The following SOX9 variants were observed in gnomAD, a reference collection of about 807,000 sequenced individuals.
The protein encoded by SOX9 is transcription factor SOX-9.
A neutral mutation model predicts 44.8 loss-of-function variants in SOX9; 2 were observed. The observed-to-expected ratio is 0.04, with a 90% CI of 0.02 to 0.14. The LOEUF (loss-of-function observed/expected upper bound fraction) is 0.14. SOX9 is among the 10% of genes least tolerant of loss of function. SOX9 has a pLI of 1.00. For synonymous variants in SOX9, 381 were observed against 331.8 expected, an observed-to-expected ratio of 1.15 and a Z score of -1.61; for missense variants, 583 against 728.6, an observed-to-expected ratio of 0.80 and a Z score of 2.30.
Position 72,123,909 on chromosome 17 carries a change from AGGCCCCGCC to A in SOX9, c.1061_1069del (p.Pro354_Pro356del), listed in dbSNP as rs761585795. On this transcript the variant is annotated inframe_deletion, in exon 3 of 3. Transcript: ENST00000245479. The surrounding 1 kb of genome is among the most constrained non-coding windows in gnomAD (Gnocchi z 6.5). Reference sequence around the variant, plus strand: ...CCGCCACCCCCGCAGCAGCCCCCACAGGCCCCGCCGGCCCCGCAGGCGCCCCCGCAGCCG... The same window carrying A: ...CCGCCACCCCCGCAGCAGCCCCCACAGGCCCCGCAGGCGCCCCCGCAGCCG... 72 of 1,301,174 alleles carry A rather than the reference AGGCCCCGCC, an allele frequency of 5.5e-5. No individual in the cohort carries two copies. The highest frequency in any genetic ancestry group is 5.5e-5 in the Non-Finnish European group (57 of 1,033,418). The allele number at this position is 1,301,174 out of a possible 1,614,324, so 80.6% of individuals were successfully genotyped here. A position where few individuals can be genotyped will look rare whatever the true frequency, so the allele number is the denominator to read the frequency against.
At position 72,121,558 on chromosome 17, in the gene SOX9, G is replaced by A. The variant is rs2143237848; in HGVS notation, c.167G>A (p.Gly56Asp). The A allele has an allele frequency of 6.2e-7, 1 of 1,609,534 alleles. No homozygotes were observed. The highest frequency in any genetic ancestry group is 1.3e-5 in the African/African-American group (1 of 74,938). ...CCCCAGGAGAACACGTTCCCCAAGG[G>A]CGAGCCCGATCTGAAGAAGGAGAGC... ...TRPQENTFPK[G>D]EPDLKKESEE... The change falls in exon 1 of 3, where the codon GGC becomes GAC. Residue 56 changes from glycine to aspartate, a missense_variant. Physicochemically the swap from Gly to Asp is moderately conservative, Grantham distance 94. Transcript: ENST00000245479. This position sits in a 1 kb window ranked among gnomAD's most constrained non-coding sequence, Gnocchi z 8.3.
Position 72,125,976 on chromosome 17 carries a change from C to G in SOX9, c.*1589C>G, listed in dbSNP as rs1263664394. ...TCATCCATATTTCTCTGCATCTTCT[C>G]TTGGAGTGAGGGAGGCTACCTGGAG... On this transcript the variant is annotated 3_prime_UTR_variant, in exon 3 of 3. Transcript: ENST00000245479. 1 of 232,380 alleles carries G rather than the reference C, an allele frequency of 4.3e-6. No individual in the cohort carries two copies. The highest frequency in any genetic ancestry group is 6.1e-5 in the East Asian group (1 of 16,428). 14.4% of individuals were successfully genotyped at this position (232,380 alleles called of 1,614,324 possible).
rs1425499534 is a variant in SOX9, at chr17:72,121,846, G to A, written c.431+24G>A. ...AGGTAGGACCCGGCGGGGGCGGCGC[G>A]GCAGGGTGGGCATCGCGGCGGCTGG... On this transcript the variant is annotated intron_variant, in intron 1 of 2. Transcript: ENST00000245479. The surrounding 1 kb of genome is among the most constrained non-coding windows in gnomAD (Gnocchi z 8.3). The A allele has an allele frequency of 1.3e-6, 2 of 1,528,390 alleles. No homozygotes were observed. Among genetic ancestry groups the A allele is most frequent in the Non-Finnish European group, 1.8e-6 (2 of 1,137,534 alleles). The allele number at this position is 1,528,390 out of a possible 1,614,324, so 94.7% of individuals were successfully genotyped here. A position where few individuals can be genotyped will look rare whatever the true frequency, so the allele number is the denominator to read the frequency against.
Position 72,123,435 on chromosome 17 carries a change from C to G in SOX9, c.686-108C>G. 6.7e-7 allele frequency: 1 copy of G among 1,494,074 alleles called. No homozygotes were observed. The allele number at this position is 1,494,074 out of a possible 1,614,324, so 92.6% of individuals were successfully genotyped here. A position where few individuals can be genotyped will look rare whatever the true frequency, so the allele number is the denominator to read the frequency against. On this transcript the variant is annotated intron_variant, in intron 2 of 2. Transcript: ENST00000245479. This position sits in a 1 kb window ranked among gnomAD's most constrained non-coding sequence, Gnocchi z 6.5. ...GCGCGCCTCTTGCGCGGGTGCGGGC[C>G]CTTATTACACTTTAGCAGCGAGGGA...
At position 72,123,301 on chromosome 17, in the gene SOX9, T is replaced by A. The variant is rs1908166863; in HGVS notation, c.686-242T>A. Among the ~76,000 whole-genome samples the A allele has an allele frequency of 6.6e-6, 1 of 152,100 alleles. No homozygotes were observed. The highest frequency in any genetic ancestry group is 2.4e-5 in the African/African-American group (1 of 41,432). On this transcript the variant is annotated intron_variant, in intron 2 of 2. Transcript: ENST00000245479. The surrounding 1 kb of genome is among the most constrained non-coding windows in gnomAD (Gnocchi z 6.5). ...AGCACACACAGGGCTCTTACACAAG[T>A]AGCAATTAGGTCTTCCGGACCCTCC...
chr17:72,123,755 C>T lies in SOX9; in HGVS notation c.898C>T (p.Pro300Ser), dbSNP rs2143252114. The stretch of plus-strand genomic sequence containing the variant: ...CAACGAGTTTGACCAGTACCTGCCG[C>T]CCAACGGCCACCCGGGGGTGCCGGC... ...DVNEFDQYLP[P>S]NGHPGVPATH... is the part of the protein sequence containing the mutation. The change falls in exon 3 of 3, where the codon CCC (proline) becomes TCC (serine). Residue 300 changes from proline (P) to serine (S), a missense_variant. Physicochemically the swap from Pro to Ser is moderately conservative, Grantham distance 74. Coordinates refer to ENST00000245479, the MANE Select transcript of SOX9 (RefSeq NM_000346.4). The surrounding 1 kb of genome is among the most constrained non-coding windows in gnomAD (Gnocchi z 6.5). 6.2e-7 allele frequency: 1 copy of T among 1,613,656 alleles called. No homozygotes were observed. The highest frequency in any genetic ancestry group is 8.5e-7 in the Non-Finnish European group (1 of 1,179,956).
chr17:72,123,978 C>T lies in SOX9; in HGVS notation c.1121C>T (p.Pro374Leu), dbSNP rs770013452. 3.3e-6 allele frequency: 5 copies of T among 1,523,594 alleles called. No individual in the cohort carries two copies. Among genetic ancestry groups the T allele is most frequent in the South Asian group, 1.3e-5 (1 of 77,472 alleles). The allele number at this position is 1,523,594 out of a possible 1,614,324, so 94.4% of individuals were successfully genotyped here. The change falls in exon 3 of 3, where the codon CCG (proline) becomes CTG (leucine). Residue 374 changes from proline to leucine, a missense_variant. Around this residue, in one of 7 missense-constraint regions of SOX9, gnomAD observed 349 missense variants for 387.0 expected, o/e 0.90. Coordinates refer to ENST00000245479, the MANE Select transcript of SOX9 (RefSeq NM_000346.4). The surrounding 1 kb of genome is among the most constrained non-coding windows in gnomAD (Gnocchi z 6.5). ...AAPPQQPAAPPQQPQAHTLTT... is the reference protein window; with the variant it reads ...AAPPQQPAAPLQQPQAHTLTT... ...CCCCCACAGCAGCCGGCGGCACCCC[C>T]GCAGCAGCCACAGGCGCACACGCTG...
chr17:72,122,124 C>A (rs1908115200), intron 1 of SOX9, among the ~76,000 whole-genome samples: 1 of 152,108 alleles, frequency 6.6e-6, no homozygotes, highest in Admixed American at 6.5e-5. Context: ...GCTCTCCAGT[C>A]GCCTGGAAGC....
Position 72,125,435 on chromosome 17 carries a change from T to C in SOX9, c.*1048T>C. On this transcript the variant is annotated 3_prime_UTR_variant, in exon 3 of 3. Coordinates refer to ENST00000245479, the MANE Select transcript of SOX9 (RefSeq NM_000346.4). ...GCCTGGGCCCCATGTGGAAGGCAGATGCCTGCTCGCTCTGTCACCTGTGCC... is the reference window on the plus strand; with the variant it reads ...GCCTGGGCCCCATGTGGAAGGCAGACGCCTGCTCGCTCTGTCACCTGTGCC... 4.4e-6 allele frequency: 1 copy of C among 229,682 alleles called. No homozygotes were observed. Among genetic ancestry groups the C allele is most frequent in the Non-Finnish European group, 8.6e-6 (1 of 115,804 alleles). The allele number at this position is 229,682 out of a possible 1,614,324, so 14.2% of individuals were successfully genotyped here.
Position 72,121,948 on chromosome 17 carries a change from G to A in SOX9, c.431+126G>A, listed in dbSNP as rs1908109586. On this transcript the variant is annotated intron_variant, in intron 1 of 2. Coordinates refer to ENST00000245479, the MANE Select transcript of SOX9 (RefSeq NM_000346.4). This position sits in a 1 kb window ranked among gnomAD's most constrained non-coding sequence, Gnocchi z 8.3. ...TTGCCGTTCCGGGAGCCGGCGGGAT[G>A]GGGTTGGGAGTGGGAATGGGGTGTA... 3 of 1,201,548 alleles carry A rather than the reference G, an allele frequency of 2.5e-6. No individual in the cohort carries two copies. 74.4% of individuals were successfully genotyped at this position (1,201,548 alleles called of 1,614,324 possible).
At position 72,123,916 on chromosome 17, in the gene SOX9, G is replaced by A. The variant is rs936943624; in HGVS notation, c.1059G>A (p.Pro353=). 150 of 1,296,564 alleles carry A rather than the reference G, an allele frequency of 1.2e-4. No individual in the cohort carries two copies. Among genetic ancestry groups the A allele is most frequent in the Non-Finnish European group, 9.5e-5 (98 of 1,030,976 alleles). 80.3% of individuals were successfully genotyped at this position (1,296,564 alleles called of 1,614,324 possible). ...PPPPQQPPQA[P]PAPQAPPQPQ... ...CCCCGCAGCAGCCCCCACAGGCCCC[G>A]CCGGCCCCGCAGGCGCCCCCGCAGC... is the stretch of plus-strand genomic sequence containing the variant. Residue 353 remains proline (P), a synonymous_variant, in exon 3 of 3, where the codon CCG becomes CCA. Coordinates refer to ENST00000245479, the MANE Select transcript of SOX9 (RefSeq NM_000346.4). The surrounding 1 kb of genome is among the most constrained non-coding windows in gnomAD (Gnocchi z 6.5).
chr17:72,122,774 G>A lies in SOX9; in HGVS notation c.487G>A (p.Val163Met), dbSNP rs1469442385. 1.2e-6 allele frequency: 2 copies of A among 1,614,084 alleles called. No individual in the cohort carries two copies. Among genetic ancestry groups the A allele is most frequent in the East Asian group, 2.2e-5 (1 of 44,856 alleles). Reference protein sequence around the residue: ...PFVEEAERLRVQHKKDHPDYK... With the variant: ...PFVEEAERLRMQHKKDHPDYK... ...CGTGGAGGAGGCGGAGCGGCTGCGC[G>A]TGCAGCACAAGAAGGACCACCCGGA... The change falls in exon 2 of 3, where the codon GTG becomes ATG. Residue 163 changes from valine (V) to methionine (M), a missense_variant. Physicochemically the swap from Val to Met is conservative, Grantham distance 21. Coordinates refer to ENST00000245479, the MANE Select transcript of SOX9 (RefSeq NM_000346.4).
Position 72,121,158 on chromosome 17 carries a change from C to T in SOX9, c.-234C>T, listed in dbSNP as rs1908071922. 1.9e-5 allele frequency: 11 copies of T among 573,660 alleles called. No homozygotes were observed. The highest frequency in any genetic ancestry group is 2.8e-5 in the Non-Finnish European group (9 of 325,794). 35.5% of individuals were successfully genotyped at this position (573,660 alleles called of 1,614,324 possible). ...GCCCCCACTTTTGCTCTTTTTCCTC[C>T]CCTCCTCCTCCTCTCCAATTCGCCT... On this transcript the variant is annotated 5_prime_UTR_variant, in exon 1 of 3. Coordinates refer to ENST00000245479, the MANE Select transcript of SOX9 (RefSeq NM_000346.4). The surrounding 1 kb of genome is among the most constrained non-coding windows in gnomAD (Gnocchi z 8.3).
At position 72,121,158 on chromosome 17, in the gene SOX9, CCCT is replaced by C. The variant is rs1024004486; in HGVS notation, c.-223_-221del. The C allele has an allele frequency of 6.3e-5, 36 of 573,576 alleles. No individual in the cohort carries two copies. The highest frequency in any genetic ancestry group is 9.6e-5 in the Admixed American group (3 of 31,100). The allele number at this position is 573,576 out of a possible 1,614,324, so 35.5% of individuals were successfully genotyped here. A position where few individuals can be genotyped will look rare whatever the true frequency, so the allele number is the denominator to read the frequency against. On this transcript the variant is annotated 5_prime_UTR_variant, in exon 1 of 3. Transcript: ENST00000245479. The surrounding 1 kb of genome is among the most constrained non-coding windows in gnomAD (Gnocchi z 8.3). ...GCCCCCACTTTTGCTCTTTTTCCTC[CCCT>C]CCTCCTCCTCTCCAATTCGCCTCCC... is the stretch of plus-strand genomic sequence containing the variant.
chr17:72,122,359 T>C (rs1392142926), intron 1 of SOX9, among the ~76,000 whole-genome samples: 1 of 106,996 alleles, frequency 9.3e-6, no homozygotes, highest in Non-Finnish European at 1.8e-5. Flanking sequence ...CTTAAGTAAT[T>C]TGGGGGAAAG....
Position 72,124,392 on chromosome 17 carries a change from G to A in SOX9, c.*5G>A, listed in dbSNP as rs1908217815. 6.2e-7 allele frequency: 1 copy of A among 1,600,012 alleles called. No homozygotes were observed. On this transcript the variant is annotated 3_prime_UTR_variant, in exon 3 of 3. Transcript: ENST00000245479. The surrounding 1 kb of genome is among the most constrained non-coding windows in gnomAD (Gnocchi z 4.6). The stretch of plus-strand genomic sequence containing the variant: ...ACACAGCTCACTCGACCTTGAGGAG[G>A]CCTCCCACGAAGGGCGAAGATGGCC...
Position 72,123,016 on chromosome 17 carries a change from G to T in SOX9, c.685+44G>T, listed in dbSNP as rs376987118. ...CCACCGGACAAGCTATCTCCGTCCC[G>T]CCTGGCACACCCCCTGCCCTCCGCC... On this transcript the variant is annotated intron_variant, in intron 2 of 2. Coordinates refer to ENST00000245479, the MANE Select transcript of SOX9 (RefSeq NM_000346.4). The surrounding 1 kb of genome is among the most constrained non-coding windows in gnomAD (Gnocchi z 6.5). 4 of 1,604,124 alleles carry T rather than the reference G, an allele frequency of 2.5e-6. 1 individual carries two copies. The highest frequency in any genetic ancestry group is 1.3e-5 in the African/African-American group (1 of 74,970).
At position 72,121,531 on chromosome 17, in the gene SOX9, G is replaced by A. The variant is rs752124347; in HGVS notation, c.140G>A (p.Arg47Gln). The change falls in exon 1 of 3, where the codon CGG becomes CAG. Residue 47 changes from arginine to glutamine, a missense_variant. Arg to Gln is a conservative substitution (Grantham distance 43, BLOSUM62 1). Coordinates refer to ENST00000245479, the MANE Select transcript of SOX9 (RefSeq NM_000346.4). The surrounding 1 kb of genome is among the most constrained non-coding windows in gnomAD (Gnocchi z 8.3). Reference protein sequence around the residue: ...SGSGSDTENTRPQENTFPKGE... With the variant: ...SGSGSDTENTQPQENTFPKGE... ...TCCGGCTCGGACACCGAGAACACGC[G>A]GCCCCAGGAGAACACGTTCCCCAAG... 3 of 1,608,674 alleles carry A rather than the reference G, an allele frequency of 1.9e-6. No homozygotes were observed. The highest frequency in any genetic ancestry group is 2.5e-6 in the Non-Finnish European group (3 of 1,178,220).
intron 1 of SOX9, among the ~76,000 whole-genome samples, chr17:72,122,027 A>AG (rs1451071283): frequency 6.6e-6 from 1 of 151,948 alleles, no homozygotes; most frequent in Non-Finnish European, 1.5e-5. Context: ...GACGCGGAGG[A>AG]GGGGGGTGGT....
Sources: gnomAD v4.1 joint callset for allele counts (sites outside exome capture counted in the v4.1 genomes callset) on GRCh38, gnomAD v4.1.1 for gene constraint, gnomAD v4.1.1 regional missense constraint, Gnocchi (gnomAD v3.1) non-coding constraint, MANE v1.5 for transcripts, NCBI Gene and HGNC (gene_info 2026-07-23, HGNC 2026-07-21) for gene names.